The following HS6ST3 variants were observed in gnomAD, a reference collection of about 807,000 sequenced individuals.
HS6ST3 encodes the protein heparan-sulfate 6-O-sulfotransferase 3.
In HS6ST3, 12 loss-of-function variants were observed where a neutral mutation model predicts 36.7. The ratio of observed to expected loss-of-function variants is 0.33; its 90% CI spans 0.21 to 0.53. The LOEUF (loss-of-function observed/expected upper bound fraction) is 0.53, where lower values mean the gene tolerates loss of function less well. HS6ST3 is among the 20% of genes least tolerant of loss of function. HS6ST3 has a pLI of 0.95. For synonymous variants in HS6ST3, 240 were observed against 257.5 expected (o/e 0.93, Z 0.65); for missense variants, 584 against 640.9 (o/e 0.91, Z 0.96).
In HS6ST3 at chr13:96,444,679, T is replaced by C. The variant is rs1000108162; in HGVS notation, c.707+353110T>C. ...AGGGTTTCTTATGTAGGAATATATT[T>C]AGTAGGGTTCACCTTTTTATGAGCA... is the stretch of plus-strand genomic sequence containing the variant. On this transcript the variant is annotated intron_variant, in intron 1 of 1. Transcript: ENST00000376705. 2.0e-5 allele frequency among the ~76,000 whole-genome samples: 3 copies of C among 152,204 alleles called. No homozygotes were observed. In the East Asian group the frequency reaches 5.8e-4, roughly 29 times the overall value.
intron 1 of HS6ST3, among the ~76,000 whole-genome samples, chr13:96,537,186 C>G (rs1036870556): frequency 1.3e-5 from 2 of 152,078 alleles, no homozygotes; most frequent in South Asian, 2.1e-4. Context: ...GCTTATCTTA[C>G]GTGGAAGCAG....
Position 96,737,602 on chromosome 13 carries a change from G to A in HS6ST3, c.708-94888G>A, listed in dbSNP as rs561097134. On this transcript the variant is annotated intron_variant, in intron 1 of 1. Coordinates refer to ENST00000376705, the MANE Select transcript of HS6ST3 (RefSeq NM_153456.4). ...ATTGCGCCACTGCAGTCCGCAGTCC[G>A]GCCTGGGCGACAGAGCGAGACTCCG... is the stretch of plus-strand genomic sequence containing the variant. Among the ~76,000 whole-genome samples, 8 of 132,484 alleles carry A rather than the reference G, an allele frequency of 6.0e-5. No homozygotes were observed. In the East Asian group the frequency reaches 1.6e-3, roughly 26 times the overall value. 86.9% of individuals were successfully genotyped at this position (132,484 alleles called of 152,430 possible).
chr13:96,715,834 A>T (rs1015337831), intron 1 of HS6ST3, among the ~76,000 whole-genome samples: 1 of 152,114 alleles, frequency 6.6e-6, no homozygotes, highest in Admixed American at 6.6e-5. Context: ...GTTATATCTA[A>T]ATCTTAATTT....
At chr13:96,536,499 G>T (rs1318753565) in intron 1 of HS6ST3, among the ~76,000 whole-genome samples, 1 of 152,170 alleles carries the variant, frequency 6.6e-6, no homozygotes, top group Non-Finnish European at 1.5e-5. Flanking sequence ...GAAAAATTCT[G>T]TACAGATCCA....
At chr13:96,182,809 C>CTTTAAG (rs2054245967) in intron 1 of HS6ST3, among the ~76,000 whole-genome samples, 1 of 152,154 alleles carries the variant, frequency 6.6e-6, no homozygotes, top group Non-Finnish European at 1.5e-5. Flanking sequence ...CTCTTCTGAA[C>CTTTAAG]TAAAGACCTC....
intron 1 of HS6ST3, among the ~76,000 whole-genome samples, chr13:96,248,295 T>C (rs1380155798): frequency 1.3e-5 from 2 of 152,082 alleles, no homozygotes; most frequent in African/African-American, 4.8e-5. Context: ...TGTTTTAAAG[T>C]GTTTGCATAG....
At chr13:96,781,435 A>C (rs9513181) in intron 1 of HS6ST3, among the ~76,000 whole-genome samples, 8,679 of 152,304 alleles carry the variant, frequency 0.057, 415 homozygotes, top group East Asian at 0.25. Context: ...AAATTCTTCA[A>C]AATGCTATCA....
chr13:96,474,717 CTG>C (rs2055855380), intron 1 of HS6ST3, among the ~76,000 whole-genome samples: 1 of 152,182 alleles, frequency 6.6e-6, no homozygotes, highest in South Asian at 2.1e-4. Context: ...AACGACCTCT[CTG>C]GAATGTTTGC....
intron 1 of HS6ST3, among the ~76,000 whole-genome samples, chr13:96,189,885 G>T (rs1043434800): frequency 6.6e-6 from 1 of 152,164 alleles, no homozygotes; most frequent in Admixed American, 6.5e-5. Flanking sequence ...CAATCACACG[G>T]CCAATTCCAC....
At chr13:96,716,099 T>A (rs1304041727) in intron 1 of HS6ST3, among the ~76,000 whole-genome samples, 4 of 152,254 alleles carry the variant, frequency 2.6e-5, no homozygotes, top group African/African-American at 9.6e-5. Flanking sequence ...AGCAGCAAAT[T>A]ATAGTTTTAT....
chr13:96,429,759 CT>C (rs2055605417), intron 1 of HS6ST3, among the ~76,000 whole-genome samples: 1 of 152,126 alleles, frequency 6.6e-6, no homozygotes, highest in African/African-American at 2.4e-5. Context: ...AGCAGATAGT[CT>C]GTAGGTTCGA....
chr13:96,263,014 C>T lies in HS6ST3; in HGVS notation c.707+171445C>T, dbSNP rs144321656. On this transcript the variant is annotated intron_variant, in intron 1 of 1. Coordinates refer to ENST00000376705, the MANE Select transcript of HS6ST3 (RefSeq NM_153456.4). ...ATACATAGGATTACAATAGAAACCACGTATATTGAAGTATTGTTTTTAAAG... is the reference window on the plus strand; with the variant it reads ...ATACATAGGATTACAATAGAAACCATGTATATTGAAGTATTGTTTTTAAAG... Among the ~76,000 whole-genome samples, 830 of 152,072 alleles carry T rather than the reference C, an allele frequency of 5.5e-3. 6 individuals carry two copies. Among genetic ancestry groups the T allele is most frequent in the African/African-American group, 0.019 (773 of 41,486 alleles).
chr13:96,441,954 T>C (rs534749051), intron 1 of HS6ST3, among the ~76,000 whole-genome samples: 3 of 151,886 alleles, frequency 2.0e-5, no homozygotes, highest in African/African-American at 7.2e-5. Context: ...TATAGGAAAA[T>C]TTTCCAGAGT....
intron 1 of HS6ST3, among the ~76,000 whole-genome samples, chr13:96,521,945 G>C (rs966020006): frequency 2.0e-5 from 3 of 151,746 alleles, no homozygotes. Flanking sequence ...GTGATGTTAG[G>C]GTGTCGATTT....
intron 1 of HS6ST3, among the ~76,000 whole-genome samples, chr13:96,500,834 C>G (rs563138624): frequency 6.6e-6 from 1 of 152,280 alleles, no homozygotes; most frequent in East Asian, 1.9e-4. Context: ...ATGTAATGCT[C>G]TAATAATATT....
intron 1 of HS6ST3, among the ~76,000 whole-genome samples, chr13:96,678,213 A>ATTGTTGG (rs2056705889): frequency 6.6e-6 from 1 of 152,138 alleles, no homozygotes; most frequent in Admixed American, 6.5e-5. Context: ...ACACTACTAC[A>ATTGTTGG]ATAGCAGCAT....
intron 1 of HS6ST3, among the ~76,000 whole-genome samples, chr13:96,638,577 C>T (rs748025784): frequency 2.6e-5 from 4 of 151,782 alleles, no homozygotes; most frequent in Non-Finnish European, 4.4e-5. Context: ...CTTGTGACAG[C>T]GAGTTCTCAT....
chr13:96,640,349 C>T (rs1366052732), intron 1 of HS6ST3, among the ~76,000 whole-genome samples: 1 of 151,876 alleles, frequency 6.6e-6, no homozygotes, highest in East Asian at 1.9e-4. Context: ...TGTTTGTTGG[C>T]TGCTTATATG....
At chr13:96,660,266 T>C (rs538764142) in intron 1 of HS6ST3, among the ~76,000 whole-genome samples, 1 of 152,088 alleles carries the variant, frequency 6.6e-6, no homozygotes, top group Non-Finnish European at 1.5e-5. Flanking sequence ...CAATAACACC[T>C]GCCTCCCAGG....
Sources: allele counts gnomAD v4.1 joint callset (sites outside exome capture counted in the v4.1 genomes callset), GRCh38; gene constraint gnomAD v4.1.1; transcripts MANE v1.5; gene names NCBI Gene and HGNC (gene_info 2026-07-23, HGNC 2026-07-21).